Variants in PHACTR1 observed in about 807,000 individuals in gnomAD.
PHACTR1 encodes the protein phosphatase and actin regulator 1.
Under a neutral mutation model 69.2 loss-of-function variants are expected in PHACTR1, and 16 were observed. The ratio of observed to expected loss-of-function variants is 0.23; its 90% CI spans 0.16 to 0.35. PHACTR1 has a LOEUF of 0.35. Ranked by LOEUF, PHACTR1 falls within the 10% of genes least tolerant of loss-of-function variation. The pLI, the probability that PHACTR1 is intolerant of heterozygous loss-of-function variation, is 1.00. For synonymous variants in PHACTR1, 312 were observed against 284.5 expected, an observed-to-expected ratio of 1.10 and a Z score of -0.97; for missense variants, 510 against 734.7, an observed-to-expected ratio of 0.69 and a Z score of 3.54.
At chr6:12,837,361 T>A (rs1778267159) in intron 4 of PHACTR1, among the ~76,000 whole-genome samples, 1 of 152,206 alleles carries the variant, frequency 6.6e-6, no homozygotes, top group Non-Finnish European at 1.5e-5. Flanking sequence ...AGAGAATTGT[T>A]CTAAGAAAGC....
Position 12,784,686 on chromosome 6 carries a change from G to A in PHACTR1, c.250+34896G>A, listed in dbSNP as rs141924872. 3.1e-3 allele frequency among the ~76,000 whole-genome samples: 471 copies of A among 151,198 alleles called. 4 individuals are homozygous for A. The highest frequency in any genetic ancestry group is 9.7e-3 in the African/African-American group (399 of 41,142). Reference sequence around the variant, plus strand: ...ATGATATATACATACACATCCACACGTGTATATATATGTATTTATAAATAT... The same window carrying A: ...ATGATATATACATACACATCCACACATGTATATATATGTATTTATAAATAT... On this transcript the variant is annotated intron_variant, in intron 4 of 14. Coordinates refer to ENST00000332995, the MANE Select transcript of PHACTR1 (RefSeq NM_030948.6).
At chr6:12,788,463 GA>G (rs1331015709) in intron 4 of PHACTR1, among the ~76,000 whole-genome samples, 3 of 152,136 alleles carry the variant, frequency 2.0e-5, no homozygotes, top group African/African-American at 7.2e-5. Context: ...TATAATAAAT[GA>G]GAATAAATTC....
rs144511797 is a variant in PHACTR1 at position 12,851,381 on chromosome 6, G to T, written c.250+101591G>T. 8.7e-4 allele frequency among the ~76,000 whole-genome samples: 132 copies of T among 152,282 alleles called. 1 individual carries two copies. The highest frequency in any genetic ancestry group is 3.4e-3 in the Middle Eastern group (1 of 294). ...TGCAGTGCTGTTGAGAATAGCAGTG[G>T]GTTTTGATGGCGTTAGAAAATGTTA... is the stretch of plus-strand genomic sequence containing the variant. On this transcript the variant is annotated intron_variant, in intron 4 of 14. Coordinates refer to ENST00000332995, the MANE Select transcript of PHACTR1 (RefSeq NM_030948.6).
intron 5 of PHACTR1, among the ~76,000 whole-genome samples, chr6:13,057,377 A>G (rs367734658): frequency 3.9e-5 from 6 of 152,340 alleles, no homozygotes; most frequent in East Asian, 3.9e-4. Context: ...TTTCATATGT[A>G]CAATATTATC....
chr6:13,057,035 G>A (rs1364707621), intron 5 of PHACTR1, among the ~76,000 whole-genome samples: 2 of 152,160 alleles, frequency 1.3e-5, no homozygotes, highest in Non-Finnish European at 2.9e-5. Flanking sequence ...GTTGGTTAAT[G>A]AGTGCAAAAC....
At chr6:12,802,830 G>A (rs951309192) in intron 4 of PHACTR1, among the ~76,000 whole-genome samples, 9 of 152,104 alleles carry the variant, frequency 5.9e-5, no homozygotes, top group Non-Finnish European at 8.8e-5. Flanking sequence ...CAAGATTCTC[G>A]TCTCTATCAT....
chr6:13,046,108 G>A (rs563846107), intron 4 of PHACTR1, among the ~76,000 whole-genome samples: 19 of 152,320 alleles, frequency 1.2e-4, no homozygotes, highest in African/African-American at 4.3e-4. Flanking sequence ...CAGAGATGTA[G>A]TGGGGAAGAC....
At chr6:13,199,433 G>T (rs914335493) in intron 7 of PHACTR1, among the ~76,000 whole-genome samples, 17 of 148,312 alleles carry the variant, frequency 1.1e-4, no homozygotes, top group African/African-American at 4.0e-4. Flanking sequence ...TTGAAAAGTG[G>T]ATGCCATGCA....
intron 5 of PHACTR1, among the ~76,000 whole-genome samples, chr6:13,099,597 G>T (rs1430240690): frequency 6.6e-6 from 1 of 152,172 alleles, no homozygotes; most frequent in South Asian, 2.1e-4. Flanking sequence ...TGTGGATGTG[G>T]ATGTGGGTGT....
intron 4 of PHACTR1, among the ~76,000 whole-genome samples, chr6:13,005,198 C>CT (rs1285641780): frequency 3.4e-5 from 5 of 147,976 alleles, no homozygotes; most frequent in South Asian, 2.1e-4. Context: ...TTTTTTCTTT[C>CT]TTTTTTTTTT....
At chr6:12,793,593 A>G (rs745888082) in intron 4 of PHACTR1, among the ~76,000 whole-genome samples, 3 of 152,226 alleles carry the variant, frequency 2.0e-5, no homozygotes, top group Non-Finnish European at 4.4e-5. Context: ...TGATTGTATT[A>G]AGAAACCAAA....
intron 3 of PHACTR1, among the ~76,000 whole-genome samples, chr6:12,734,491 T>C (rs552210402): frequency 1.3e-5 from 2 of 152,326 alleles, no homozygotes; most frequent in Non-Finnish European, 2.9e-5. Flanking sequence ...GTAAGTGACC[T>C]GCATGAAATC....
intron 5 of PHACTR1, among the ~76,000 whole-genome samples, chr6:13,157,584 G>A (rs1293247849): frequency 2.0e-5 from 3 of 152,176 alleles, no homozygotes; most frequent in Non-Finnish European, 4.4e-5. Flanking sequence ...TCAGGATCTT[G>A]GACCTCCAAG....
At position 12,819,501 on chromosome 6, in the gene PHACTR1, G is replaced by A. The variant is rs574694154; in HGVS notation, c.250+69711G>A. ...AAGGTAGGAGTTAGGAAAAGCCGGGGGTTCTTCTCAATGCACCTCTTATTA... is the reference window on the plus strand; with the variant it reads ...AAGGTAGGAGTTAGGAAAAGCCGGGAGTTCTTCTCAATGCACCTCTTATTA... On this transcript the variant is annotated intron_variant, in intron 4 of 14. Coordinates refer to ENST00000332995, the MANE Select transcript of PHACTR1 (RefSeq NM_030948.6). Among the ~76,000 whole-genome samples the A allele has an allele frequency of 4.6e-5, 7 of 152,100 alleles. No homozygotes were observed. The South Asian group carries it at 1.2e-3, about 27-fold the overall frequency.
At chr6:13,076,212 G>A (rs927347872) in intron 5 of PHACTR1, among the ~76,000 whole-genome samples, 4 of 152,040 alleles carry the variant, frequency 2.6e-5, no homozygotes, top group Non-Finnish European at 5.9e-5. Flanking sequence ...CACACTAATG[G>A]AAGAAATAGA....
intron 7 of PHACTR1, among the ~76,000 whole-genome samples, chr6:13,200,451 G>A (rs1319675524): frequency 1.3e-5 from 2 of 152,138 alleles, no homozygotes; most frequent in Non-Finnish European, 2.9e-5. Context: ...CGGCCAGGAA[G>A]CATCTTAAAT....
chr6:13,121,834 T>C lies in PHACTR1; in HGVS notation c.416-38370T>C, dbSNP rs568313579. On this transcript the variant is annotated intron_variant, in intron 5 of 14. Coordinates refer to ENST00000332995, the MANE Select transcript of PHACTR1 (RefSeq NM_030948.6). Reference sequence around the variant, plus strand: ...GCTGTGCATGAAATGATGGTGATCATATGAGCAAGGCTTCACAGTGAATCA... The same window carrying C: ...GCTGTGCATGAAATGATGGTGATCACATGAGCAAGGCTTCACAGTGAATCA... Among the ~76,000 whole-genome samples the C allele has an allele frequency of 8.5e-5, 13 of 152,310 alleles. 1 individual carries two copies. In the South Asian group the frequency reaches 2.7e-3, roughly 32 times the overall value.
chr6:12,940,052 C>G (rs1037241758), intron 4 of PHACTR1, among the ~76,000 whole-genome samples: 17 of 152,174 alleles, frequency 1.1e-4, no homozygotes, highest in African/African-American at 3.9e-4. Flanking sequence ...GAGACAAATA[C>G]ATGATTCATT....
chr6:13,195,757 C>CAAAAAAAAAAAAAAAA lies in PHACTR1; in HGVS notation c.665-10050_665-10035dup, dbSNP rs869092852. 6.2e-3 allele frequency among the ~76,000 whole-genome samples: 257 copies of CAAAAAAAAAAAAAAAA among 41,452 alleles called. 43 individuals are homozygous for CAAAAAAAAAAAAAAAA. Among genetic ancestry groups the CAAAAAAAAAAAAAAAA allele is most frequent in the East Asian group, 0.021 (74 of 3,492 alleles). The allele number at this position is 41,452 out of a possible 152,430, so 27.2% of individuals were successfully genotyped here. A position where few individuals can be genotyped will look rare whatever the true frequency, so the allele number is the denominator to read the frequency against. ...TGGGCGACAGAGAGAGACACCGTCT[C>CAAAAAAAAAAAAAAAA]AAAAAAAAAAAAAAAAAAAAAAAGT... On this transcript the variant is annotated intron_variant, in intron 7 of 14. Transcript: ENST00000332995.
Sources: gnomAD v4.1 joint callset for allele counts (sites outside exome capture counted in the v4.1 genomes callset) on GRCh38, gnomAD v4.1.1 for gene constraint, MANE v1.5 for transcripts, NCBI Gene and HGNC (gene_info 2026-07-23, HGNC 2026-07-21) for gene names.